PRR11: variants seen among roughly 807,000 people sequenced by gnomAD.
PRR11 encodes the protein proline rich 11.
PRR11 carries 30 observed loss-of-function variants against 45.6 expected under a neutral mutation model. The observed-to-expected ratio is 0.66, with a 90% CI of 0.49 to 0.89. The LOEUF (loss-of-function observed/expected upper bound fraction) is 0.89. PRR11 is among the 40% of genes least tolerant of loss of function. The pLI, the probability that PRR11 is intolerant of heterozygous loss-of-function variation, is 0.00. For missense variants in PRR11, 373 were observed against 424.8 expected (o/e 0.88, Z 1.07); for synonymous variants, 128 against 153.5 (o/e 0.83, Z 1.23).
rs1333911460 is a variant in PRR11 at position 59,204,786 on chromosome 17, T to C, written c.*3155T>C. 1 of 152,090 alleles carries C rather than the reference T, an allele frequency of 6.6e-6. No homozygotes were observed. The highest frequency in any genetic ancestry group is 2.4e-5 in the African/African-American group (1 of 41,378). The allele number at this position is 152,090 out of a possible 1,614,324, so 9.4% of individuals were successfully genotyped here. On this transcript the variant is annotated 3_prime_UTR_variant, in exon 10 of 10. Transcript: ENST00000262293. ...GCTCACACCTATAATCCTAGCACTT[T>C]GGGAGGCTAAGGCAGGAGGATTGCT... is the stretch of plus-strand genomic sequence containing the variant.
chr17:59,188,977 C>A (rs2046827772), intron 4 of PRR11, among the ~76,000 whole-genome samples: 2 of 129,222 alleles, frequency 1.5e-5, no homozygotes, highest in African/African-American at 2.8e-5. Flanking sequence ...AATAATAATA[C>A]ATTATTAAAT....
intron 1 of PRR11, among the ~76,000 whole-genome samples, chr17:59,156,803 A>G (rs943436972): frequency 1.3e-5 from 2 of 151,774 alleles, no homozygotes; most frequent in Non-Finnish European, 2.9e-5. Context: ...TAATTTTTGT[A>G]TTTTTAGTAG....
intron 1 of PRR11, among the ~76,000 whole-genome samples, chr17:59,159,210 G>T (rs1414633147): frequency 1.3e-5 from 2 of 152,132 alleles, no homozygotes; most frequent in African/African-American, 4.8e-5. Flanking sequence ...GCCTTTTCTA[G>T]TTCTTTCTCT....
At chr17:59,169,407 T>G (rs2046696242) in intron 1 of PRR11, among the ~76,000 whole-genome samples, 1 of 152,138 alleles carries the variant, frequency 6.6e-6, no homozygotes. Context: ...CAACATATTA[T>G]TTTAATAACT....
At position 59,193,878 on chromosome 17, in the gene PRR11, T is replaced by C. The variant is rs183750353; in HGVS notation, c.645+144T>C. 3 of 1,008,672 alleles carry C rather than the reference T, an allele frequency of 3.0e-6. No homozygotes were observed. The African/African-American group carries it at 4.8e-5, about 16-fold the overall frequency. The allele number at this position is 1,008,672 out of a possible 1,614,324, so 62.5% of individuals were successfully genotyped here. The stretch of plus-strand genomic sequence containing the variant: ...TTTTGTTCTGATTCCGTATCTTAAT[T>C]ATTGTGTTTTTAAAATCTCAGTTCC... On this transcript the variant is annotated intron_variant, in intron 5 of 9. Coordinates refer to ENST00000262293, the MANE Select transcript of PRR11 (RefSeq NM_018304.4).
At position 59,181,457 on chromosome 17, in the gene PRR11, T is replaced by G. The variant is rs576299820; in HGVS notation, c.129-3597T>G. ...TGGAAAAGTGTGGTTATTGAAAGTTTTCCTCGTTTTTAAAAGAACAGGATT... is the reference window on the plus strand; with the variant it reads ...TGGAAAAGTGTGGTTATTGAAAGTTGTCCTCGTTTTTAAAAGAACAGGATT... On this transcript the variant is annotated intron_variant, in intron 2 of 9. Transcript: ENST00000262293. 9.5e-6 allele frequency: 10 copies of G among 1,052,072 alleles called. No individual in the cohort carries two copies. In the East Asian group the frequency reaches 2.9e-4, roughly 30 times the overall value. 65.2% of individuals were successfully genotyped at this position (1,052,072 alleles called of 1,614,324 possible).
At chr17:59,174,855 C>A (rs1411608457) in intron 2 of PRR11, 7 of 1,258,956 alleles carry the variant, frequency 5.6e-6, no homozygotes, top group Non-Finnish European at 8.0e-6. Flanking sequence ...ACAAACGCCC[C>A]TTAAGAAGAT....
chr17:59,191,589 C>G (rs960052436), intron 4 of PRR11, among the ~76,000 whole-genome samples: 1 of 152,114 alleles, frequency 6.6e-6, no homozygotes, highest in Non-Finnish European at 1.5e-5. Flanking sequence ...TTTTGTTTCT[C>G]CAGCCTCAGG....
At chr17:59,159,818 G>A (rs1342402822) in intron 1 of PRR11, among the ~76,000 whole-genome samples, 1 of 152,102 alleles carries the variant, frequency 6.6e-6, no homozygotes, top group African/African-American at 2.4e-5. Flanking sequence ...TCAAAGCTCA[G>A]CTTAGGCAAA....
At chr17:59,164,891 A>C (rs78527551) in intron 1 of PRR11, among the ~76,000 whole-genome samples, 1 of 151,828 alleles carries the variant, frequency 6.6e-6, no homozygotes, top group South Asian at 2.1e-4. Context: ...AAAAAAAAAA[A>C]GGTCCTGACC....
intron 1 of PRR11, among the ~76,000 whole-genome samples, chr17:59,163,936 G>C (rs2046666432): frequency 6.6e-6 from 1 of 152,088 alleles, no homozygotes; most frequent in South Asian, 2.1e-4. Context: ...GCCGTGGCAG[G>C]CGCCTGTAAT....
rs2046897473 is a variant in PRR11 at position 59,202,470 on chromosome 17, AAGGG to A, written c.*843_*846del. ...AGTCCCAGCTACTTAGGAAGCTGAG[AAGGG>A]AGGATCACTTGAGGCTGTAGTGCAC... is the stretch of plus-strand genomic sequence containing the variant. On this transcript the variant is annotated 3_prime_UTR_variant, in exon 10 of 10. Transcript: ENST00000262293. 2 of 152,114 alleles carry A rather than the reference AAGGG, an allele frequency of 1.3e-5. No individual in the cohort carries two copies. Among genetic ancestry groups the A allele is most frequent in the African/African-American group, 2.4e-5 (1 of 41,432 alleles). The allele number at this position is 152,114 out of a possible 1,614,324, so 9.4% of individuals were successfully genotyped here. A position where few individuals can be genotyped will look rare whatever the true frequency, so the allele number is the denominator to read the frequency against.
chr17:59,185,210 G>A lies in PRR11; in HGVS notation c.279+6G>A, dbSNP rs1179044611. The stretch of plus-strand genomic sequence containing the variant: ...GCCAGAACTGCATAACCCAGGTATG[G>A]ATGTGACATCCCTGTTTTCAGTGCT... On this transcript the variant is annotated splice_donor_region_variant and intron_variant, in intron 3 of 9. Coordinates refer to ENST00000262293, the MANE Select transcript of PRR11 (RefSeq NM_018304.4). 10 of 1,612,834 alleles carry A rather than the reference G, an allele frequency of 6.2e-6. No homozygotes were observed. Among genetic ancestry groups the A allele is most frequent in the Non-Finnish European group, 8.5e-6 (10 of 1,179,458 alleles).
At chr17:59,185,767 A>G (rs956429350) in intron 4 of PRR11, among the ~76,000 whole-genome samples, 6 of 152,318 alleles carry the variant, frequency 3.9e-5, no homozygotes, top group African/African-American at 1.4e-4. Context: ...GGATAATCTG[A>G]TCAGATAGCT....
At position 59,197,769 on chromosome 17, in the gene PRR11, G is replaced by C; in HGVS notation, c.994G>C (p.Ala332Pro). 6.2e-7 allele frequency: 1 copy of C among 1,613,644 alleles called. No individual in the cohort carries two copies. Among genetic ancestry groups the C allele is most frequent in the Non-Finnish European group, 8.5e-7 (1 of 1,179,806 alleles). ...AGGACTGACTCCAGTGATGACGCAG[G>C]CCTTAAGGAGAAAGTTTCAGGTAAC... is the stretch of plus-strand genomic sequence containing the variant. ...GTGLTPVMTQALRRKFQLAHP... is the reference protein window; with the variant it reads ...GTGLTPVMTQPLRRKFQLAHP... The change falls in exon 9 of 10, where the codon GCC (alanine) becomes CCC (proline). Residue 332 changes from alanine to proline, a missense_variant. Ala to Pro is a conservative substitution (Grantham distance 27). Transcript: ENST00000262293.
chr17:59,161,566 T>C (rs987451360), intron 1 of PRR11, among the ~76,000 whole-genome samples: 4 of 151,688 alleles, frequency 2.6e-5, no homozygotes, highest in Admixed American at 6.6e-5. Context: ...CTAGGCAACA[T>C]GGTGAAACCC....
chr17:59,158,048 C>T (rs2046634705), intron 1 of PRR11, among the ~76,000 whole-genome samples: 1 of 152,196 alleles, frequency 6.6e-6, no homozygotes, highest in East Asian at 1.9e-4. Flanking sequence ...GTAAAGGAAC[C>T]TTCAAATACT....
intron 2 of PRR11, among the ~76,000 whole-genome samples, chr17:59,170,355 TA>T (rs1353143696): frequency 6.6e-6 from 1 of 152,182 alleles, no homozygotes; most frequent in East Asian, 1.9e-4. Context: ...ATATTTATAC[TA>T]AAATTATGCA....
chr17:59,196,470 G>A (rs568556078), intron 7 of PRR11, among the ~76,000 whole-genome samples: 5 of 151,922 alleles, frequency 3.3e-5, no homozygotes, highest in South Asian at 2.1e-4. Flanking sequence ...TCCACCTCCC[G>A]GGTTCCAGCA....
Sources: allele counts gnomAD v4.1 joint callset (sites outside exome capture counted in the v4.1 genomes callset), GRCh38; gene constraint gnomAD v4.1.1; transcripts MANE v1.5; gene names NCBI Gene and HGNC (gene_info 2026-07-23, HGNC 2026-07-21).